Variants in SUMF1 observed in about 807,000 individuals in gnomAD.
The protein encoded by SUMF1 is formylglycine-generating enzyme.
SUMF1 carries 48 observed loss-of-function variants against 47.6 expected under a neutral mutation model. The observed-to-expected ratio is 1.01, with a 90% CI of 0.80 to 1.28. The LOEUF is 1.28. Ranked by LOEUF, SUMF1 falls within the 50% of genes most tolerant of loss-of-function variation. SUMF1 has a pLI of 0.00. For missense variants in SUMF1, 571 were observed against 485.4 expected, an observed-to-expected ratio of 1.18 and a Z score of -1.66; for synonymous variants, 230 against 192.1, an observed-to-expected ratio of 1.20 and a Z score of -1.63.
At chr3:4,174,511 C>T (rs375048209) in intron 8 of SUMF1, among the ~76,000 whole-genome samples, 21 of 150,584 alleles carry the variant, frequency 1.4e-4, no homozygotes, top group East Asian at 5.9e-4. Context: ...CAAAGCCAGC[C>T]TGGGCAACAT....
intron 8 of SUMF1, among the ~76,000 whole-genome samples, chr3:4,271,928 CT>C (rs1367409053): frequency 1.3e-5 from 2 of 152,168 alleles, no homozygotes; most frequent in African/African-American, 4.8e-5. Flanking sequence ...TACATAGCCT[CT>C]GGTTGATGTA....
At chr3:4,388,870 ACT>A (rs1323193297) in intron 7 of SUMF1, among the ~76,000 whole-genome samples, 1 of 152,008 alleles carries the variant, frequency 6.6e-6, no homozygotes, top group Non-Finnish European at 1.5e-5. Context: ...CAAAACCGTA[ACT>A]CTCTTTAAAT....
intron 8 of SUMF1, among the ~76,000 whole-genome samples, chr3:4,287,224 T>C (rs2125051323): frequency 6.6e-6 from 1 of 152,230 alleles, no homozygotes; most frequent in South Asian, 2.1e-4. Flanking sequence ...TCCTCAACTA[T>C]TGTTAAGAAT....
intron 3 of SUMF1, among the ~76,000 whole-genome samples, chr3:4,448,396 G>A (rs1702856891): frequency 6.6e-6 from 1 of 151,930 alleles, no homozygotes. Context: ...GGAAGATGAG[G>A]GCTGGATTCC....
intron 8 of SUMF1, among the ~76,000 whole-genome samples, chr3:4,244,758 A>G (rs1199235932): frequency 6.6e-6 from 1 of 151,998 alleles, no homozygotes; most frequent in Non-Finnish European, 1.5e-5. Flanking sequence ...CTCGTGGAGT[A>G]TCTCTCTGGT....
At chr3:4,052,318 C>T (rs1399529551) in intron 9 of SUMF1, among the ~76,000 whole-genome samples, 1 of 152,184 alleles carries the variant, frequency 6.6e-6, no homozygotes, top group Non-Finnish European at 1.5e-5. Context: ...AGTATCATCA[C>T]ATTAGGGGTT....
rs59374441 is a variant in SUMF1 at position 4,252,793 on chromosome 3, TGC to T, written c.1014+123535_1014+123536del. 9.0e-3 allele frequency among the ~76,000 whole-genome samples: 1,373 copies of T among 151,726 alleles called. 19 individuals carry two copies. Among genetic ancestry groups the T allele is most frequent in the African/African-American group, 0.032 (1,309 of 41,450 alleles). On this transcript the variant is annotated intron_variant and NMD_transcript_variant, in intron 8 of 12. Coordinates refer to the SUMF1 transcript ENST00000448413. Reference sequence around the variant, plus strand: ...ACTTTACCTCCAAGAAAAAAAAAACTGCAAATGGTCTGACTCAGTGAATATTC... The same window carrying T: ...ACTTTACCTCCAAGAAAAAAAAAACTAAATGGTCTGACTCAGTGAATATTC...
At chr3:4,239,687 T>A (rs889359408) in intron 8 of SUMF1, among the ~76,000 whole-genome samples, 2 of 152,214 alleles carry the variant, frequency 1.3e-5, no homozygotes, top group East Asian at 1.9e-4. Context: ...TGATGGGGTT[T>A]TGTAAATATA....
chr3:4,205,334 T>C (rs2629253), intron 8 of SUMF1, among the ~76,000 whole-genome samples: 115,724 of 152,102 alleles, frequency 0.76, 44,999 homozygotes, highest in African/African-American at 0.93. Context: ...ATCCACCACC[T>C]TTTGCTGACT....
rs952312437 is a variant in SUMF1 at position 4,375,279 on chromosome 3, A to G, written c.1014+1051T>C. ...GGATTAAAAATTCTAAGAAATACAG[A>G]AGATACACATACATACAAACTCACA... On this transcript the variant is annotated intron_variant, in intron 8 of 8. Coordinates refer to ENST00000272902, the MANE Select transcript of SUMF1 (RefSeq NM_182760.4). Among the ~76,000 whole-genome samples, 8 of 152,192 alleles carry G rather than the reference A, an allele frequency of 5.3e-5. No homozygotes were observed. In the South Asian group the frequency reaches 1.7e-3, roughly 32 times the overall value.
intron 3 of SUMF1, among the ~76,000 whole-genome samples, chr3:4,443,225 C>A (rs970078142): frequency 6.6e-5 from 10 of 151,954 alleles, no homozygotes; most frequent in African/African-American, 1.7e-4. Context: ...GTACAGTGAG[C>A]CAAGATTGCA....
chr3:4,350,096 G>A (rs1454753935), intron 8 of SUMF1, among the ~76,000 whole-genome samples: 1 of 151,560 alleles, frequency 6.6e-6, no homozygotes, highest in East Asian at 1.9e-4. Context: ...TGCCTTCCGT[G>A]TTTGAGCAAT....
chr3:4,354,007 A>C (rs1699565400), intron 8 of SUMF1, among the ~76,000 whole-genome samples: 1 of 152,204 alleles, frequency 6.6e-6, no homozygotes, highest in East Asian at 1.9e-4. Context: ...GGACTATGCT[A>C]CCATGCCCAG....
intron 8 of SUMF1, among the ~76,000 whole-genome samples, chr3:4,253,449 G>C (rs1039514258): frequency 1.3e-5 from 2 of 152,202 alleles, no homozygotes. Flanking sequence ...GCCTCACCTG[G>C]GAAGCACAAG....
chr3:4,466,916 C>G, intron 1 of SUMF1, 60 bp downstream of exon 1: 1 of 1,582,242 alleles, frequency 6.3e-7, no homozygotes, highest in Non-Finnish European at 8.6e-7. Flanking sequence ...GCTTTGCCTA[C>G]TCCAACCCCG....
At chr3:4,211,123 C>CTATATAT (rs1695775669) in intron 8 of SUMF1, among the ~76,000 whole-genome samples, 1 of 77,622 alleles carries the variant, frequency 1.3e-5, no homozygotes, top group Non-Finnish European at 2.9e-5. Flanking sequence ...TATATATATA[C>CTATATAT]ACACACACAC....
chr3:4,164,692 T>A (rs747052961), intron 8 of SUMF1, among the ~76,000 whole-genome samples: 1 of 152,158 alleles, frequency 6.6e-6, no homozygotes, highest in Non-Finnish European at 1.5e-5. Flanking sequence ...TTTTGCCTGC[T>A]CCTCTTGGTC....
At chr3:4,312,836 T>C in intron 8 of SUMF1, 1 of 1,520,038 alleles carries the variant, frequency 6.6e-7, no homozygotes, top group Non-Finnish European at 8.8e-7. Context: ...CAGAAGCTAC[T>C]TGGAATATAT....
intron 8 of SUMF1, among the ~76,000 whole-genome samples, chr3:4,182,421 T>G (rs1159823029): frequency 6.7e-6 from 1 of 149,048 alleles, no homozygotes; most frequent in Non-Finnish European, 1.5e-5. Context: ...ATTTTATTAT[T>G]ATATTTTTTA....
Sources: allele counts gnomAD v4.1 joint callset (sites outside exome capture counted in the v4.1 genomes callset), GRCh38; gene constraint gnomAD v4.1.1; transcripts MANE v1.5; gene names NCBI Gene and HGNC (gene_info 2026-07-23, HGNC 2026-07-21).